Variants in PPP1R12C observed in about 807,000 individuals in gnomAD.
PPP1R12C encodes protein phosphatase 1 regulatory subunit 12C.
PPP1R12C carries 48 observed loss-of-function variants against 95.6 expected under a neutral mutation model. The observed-to-expected ratio is 0.50, with a 90% confidence interval of 0.40 to 0.64. The LOEUF (loss-of-function observed/expected upper bound fraction) is 0.64. Ranked by LOEUF, PPP1R12C falls within the 30% of genes least tolerant of loss-of-function variation. The pLI is 0.00. For synonymous variants in PPP1R12C, 480 were observed against 460.8 expected, an observed-to-expected ratio of 1.04 and a Z score of -0.53; for missense variants, 1,057 against 1,083.3, an observed-to-expected ratio of 0.98 and a Z score of 0.34.
At chr19:55,101,575 GC>G (rs1240274075) in intron 4 of PPP1R12C, among the ~76,000 whole-genome samples, 2 of 152,078 alleles carry the variant, frequency 1.3e-5, no homozygotes, top group African/African-American at 4.8e-5. Flanking sequence ...TTGCTCCTTT[GC>G]CCCCTCTCTC....
intron 1 of PPP1R12C, chr19:55,113,590 G>T (rs755892554): frequency 1.5e-6 from 2 of 1,298,432 alleles, no homozygotes; most frequent in Non-Finnish European, 9.8e-7. Flanking sequence ...GGTGGGCTCC[G>T]GGACCTGAAC....
intron 4 of PPP1R12C, among the ~76,000 whole-genome samples, chr19:55,100,802 C>T (rs904215628): frequency 2.2e-4 from 33 of 151,870 alleles, no homozygotes; most frequent in African/African-American, 7.5e-4. Flanking sequence ...TTAATAGCGA[C>T]GGGGTTTCAC....
chr19:55,095,698 C>A, intron 9 of PPP1R12C, 95 bp from the exon 10 acceptor site: 1 of 1,499,834 alleles, frequency 6.7e-7, no homozygotes. Flanking sequence ...ACTACAATTC[C>A]CATCAGCCCC....
Position 55,094,665 on chromosome 19 carries a change from G to A in PPP1R12C, c.1588C>T (p.Arg530Trp), listed in dbSNP as rs141058127. Residue 530 changes from arginine (R) to tryptophan (W), a missense_variant, in exon 12 of 22, where the codon CGG (arginine) becomes TGG (tryptophan). By Grantham distance (101) the Arg-to-Trp change is moderately radical (BLOSUM62 -3). Coordinates refer to ENST00000263433, the MANE Select transcript of PPP1R12C (RefSeq NM_017607.4). ...TAPPADSRDR[R>W]RSYQMPVRDE... ...TTCCTGCCCTGGCCTCTTCACCTCC[G>A]TCGGTCCCGGGAGTCCGCTGGGGGC... The A allele has an allele frequency of 8.2e-6, 13 of 1,589,672 alleles. No individual in the cohort carries two copies. The highest frequency in any genetic ancestry group is 2.2e-5 in the East Asian group (1 of 44,694).
chr19:55,091,899 C>T lies in PPP1R12C; in HGVS notation c.2171G>A (p.Arg724His), dbSNP rs2084846087. The change falls in exon 20 of 22, where the codon CGC becomes CAC. Residue 724 changes from arginine to histidine, a missense_variant. By Grantham distance (29) the Arg-to-His change is conservative (BLOSUM62 0). Transcript: ENST00000263433. ...CAGGAGGGCTGGCCTCTCAGCGAAG[C>T]GTTCTTGCCTCTGGTGAGGACACAG... ...ELERATQRQERFAERPALLEL... is the reference protein window; with the variant it reads ...ELERATQRQEHFAERPALLEL... 6.2e-6 allele frequency: 10 copies of T among 1,613,166 alleles called. No homozygotes were observed. The highest frequency in any genetic ancestry group is 8.5e-6 in the Non-Finnish European group (10 of 1,179,996).
intron 6 of PPP1R12C, among the ~76,000 whole-genome samples, chr19:55,097,628 C>T (rs1280076604): frequency 2.5e-5 from 3 of 119,976 alleles, no homozygotes; most frequent in Non-Finnish European, 5.3e-5. Flanking sequence ...GCGCAGTTCA[C>T]CACCGTCTTC....
Position 55,096,304 on chromosome 19 carries a change from C to G in PPP1R12C, c.983G>C (p.Arg328Pro). The G allele has an allele frequency of 3.1e-6, 5 of 1,613,712 alleles. No homozygotes were observed. Among genetic ancestry groups the G allele is most frequent in the South Asian group, 1.1e-5 (1 of 91,082 alleles). ...AGAGGGCGCTTGGGGCTCCTGGCCC[C>G]GGCTCTGGGAAGCTTCTTTTTGGTT... ...LRNQKEASQSRGQEPQAPSSS... is the reference protein window; with the variant it reads ...LRNQKEASQSPGQEPQAPSSS... Residue 328 changes from arginine (R) to proline (P), a missense_variant, in exon 7 of 22, where the codon CGG (arginine) becomes CCG (proline). Physicochemically the swap from Arg to Pro is moderately radical, Grantham distance 103 (BLOSUM62 -2). Coordinates refer to ENST00000263433, the MANE Select transcript of PPP1R12C (RefSeq NM_017607.4).
Position 55,098,868 on chromosome 19 carries a change from G to A in PPP1R12C, c.877-10C>T. ...CACAGGGACGCTGCCCCTGGGTCAGGGGAGGAGCAGGATCAGACAATGAAG... is the reference window on the plus strand; with the variant it reads ...CACAGGGACGCTGCCCCTGGGTCAGAGGAGGAGCAGGATCAGACAATGAAG... On this transcript the variant is annotated splice_polypyrimidine_tract_variant and intron_variant, in intron 5 of 21. Transcript: ENST00000263433. 1 of 1,612,966 alleles carries A rather than the reference G, an allele frequency of 6.2e-7. No homozygotes were observed. The highest frequency in any genetic ancestry group is 8.5e-7 in the Non-Finnish European group (1 of 1,179,722).
chr19:55,092,145 G>A (rs1231114741), intron 19 of PPP1R12C, 77 bp downstream of exon 19: 32 of 1,352,408 alleles, frequency 2.4e-5, no homozygotes, highest in Non-Finnish European at 3.0e-5. Context: ...CCCCAGGCCA[G>A]GCTCTACCTC....
rs1012015103 is a variant in PPP1R12C, at chr19:55,117,259, G to C, written c.285C>G (p.Asp95Glu). 159 of 1,227,692 alleles carry C rather than the reference G, an allele frequency of 1.3e-4. No homozygotes were observed. Among genetic ancestry groups the C allele is most frequent in the Non-Finnish European group, 1.5e-4 (151 of 986,628 alleles). The allele number at this position is 1,227,692 out of a possible 1,614,324, so 76.0% of individuals were successfully genotyped here. ...CGCTGATACCGTCGGCGTTGGTGGAGTCCAGCACGGCGCGGGCGGGCGGCG... is the reference window on the plus strand; with the variant it reads ...CGCTGATACCGTCGGCGTTGGTGGACTCCAGCACGGCGCGGGCGGGCGGCG... ...AAPPPARAVLDSTNADGISAL... is the reference protein window; with the variant it reads ...AAPPPARAVLESTNADGISAL... Residue 95 changes from aspartate to glutamate, a missense_variant, in exon 1 of 22, where the codon GAC (aspartate) becomes GAG (glutamate). This residue lies in a region of PPP1R12C where 282 missense variants were observed against 380.4 expected (regional missense o/e 0.74). Transcript: ENST00000263433.
intron 1 of PPP1R12C, chr19:55,113,160 A>G: frequency 2.0e-6 from 1 of 497,496 alleles, no homozygotes. Flanking sequence ...CAGACTAGGG[A>G]AGAGGTTCCA....
chr19:55,098,708 C>T (rs1264089312), intron 6 of PPP1R12C, 76 bp downstream of exon 6: 29 of 1,558,454 alleles, frequency 1.9e-5, no homozygotes, highest in South Asian at 1.2e-4. Flanking sequence ...CGGGGGGGTT[C>T]CCCCTCTGCA....
At position 55,117,593 on chromosome 19, in the gene PPP1R12C, C is replaced by T; in HGVS notation, c.-50G>A. The T allele has an allele frequency of 1.0e-6, 1 of 965,968 alleles. No individual in the cohort carries two copies. The highest frequency in any genetic ancestry group is 4.6e-5 in the South Asian group (1 of 21,578). 59.8% of individuals were successfully genotyped at this position (965,968 alleles called of 1,614,324 possible). A position where few individuals can be genotyped will look rare whatever the true frequency, so the allele number is the denominator to read the frequency against. On this transcript the variant is annotated 5_prime_UTR_variant, in exon 1 of 22. Coordinates refer to ENST00000263433, the MANE Select transcript of PPP1R12C (RefSeq NM_017607.4). ...CGAGCGAGCGCCGAGCCCCAACCGC[C>T]GCCACCACCCGCCCGCCCGCCCGCC...
At chr19:55,096,533 G>GT (rs1196440217) in intron 6 of PPP1R12C, among the ~76,000 whole-genome samples, 198 bp from the exon 7 acceptor site, 4 of 152,048 alleles carry the variant, frequency 2.6e-5, no homozygotes, top group African/African-American at 9.7e-5. Flanking sequence ...CAGCTGCCAC[G>GT]TGCAGGCACT....
chr19:55,094,869 G>T, intron 11 of PPP1R12C, 71 bp from the exon 12 acceptor site: 1 of 1,499,202 alleles, frequency 6.7e-7, no homozygotes. Flanking sequence ...ATGCAGCCGT[G>T]AGTGAAAGAA....
Position 55,117,504 on chromosome 19 carries a change from C to T in PPP1R12C, c.40G>A (p.Ala14Thr), listed in dbSNP as rs1416644228. The T allele has an allele frequency of 2.9e-6, 3 of 1,027,112 alleles. No homozygotes were observed. The highest frequency in any genetic ancestry group is 2.3e-6 in the Non-Finnish European group (2 of 857,506). The allele number at this position is 1,027,112 out of a possible 1,614,324, so 63.6% of individuals were successfully genotyped here. The change falls in exon 1 of 22, where the codon GCG becomes ACG. Residue 14 changes from alanine (A) to threonine (T), a missense_variant. This residue lies in a region of PPP1R12C where 70 missense variants were observed against 47.8 expected (regional missense o/e 1.46). Transcript: ENST00000263433. ...CGCCGCTCCCGGGCAGCCGCCGCCGCCGCCCCCGGGCCAGCCGCCGGGCCA... is the reference window on the plus strand; with the variant it reads ...CGCCGCTCCCGGGCAGCCGCCGCCGTCGCCCCCGGGCCAGCCGCCGGGCCA... ...EDGPAAGPGA[A>T]AAAARERRRE...
intron 3 of PPP1R12C, 157 bp downstream of exon 3, chr19:55,112,310 C>T (rs1306814751): frequency 6.0e-6 from 4 of 661,986 alleles, no homozygotes; most frequent in African/African-American, 3.6e-5. Flanking sequence ...CAGGCCCCTA[C>T]ACCCCCATTT....
In PPP1R12C at chr19:55,092,609, A is replaced by AC; in HGVS notation, c.1952+12dup. ...CCCGCACGCAGACCCCACCTCTCCC[A>AC]CCCCGCCCCTACCTGGACTCCTGGC... On this transcript the variant is annotated intron_variant, in intron 17 of 21. Coordinates refer to ENST00000263433, the MANE Select transcript of PPP1R12C (RefSeq NM_017607.4). 1 of 1,498,982 alleles carries AC rather than the reference A, an allele frequency of 6.7e-7. No individual in the cohort carries two copies. Among genetic ancestry groups the AC allele is most frequent in the Non-Finnish European group, 8.9e-7 (1 of 1,122,310 alleles). 92.9% of individuals were successfully genotyped at this position (1,498,982 alleles called of 1,614,324 possible).
intron 3 of PPP1R12C, among the ~76,000 whole-genome samples, chr19:55,104,768 T>C (rs985887600): frequency 6.6e-6 from 1 of 151,270 alleles, no homozygotes; most frequent in Non-Finnish European, 1.5e-5. Flanking sequence ...ATTTGCTCAG[T>C]AAACTTTAGG....
Sources: gnomAD v4.1 joint callset for allele counts (sites outside exome capture counted in the v4.1 genomes callset) on GRCh38, gnomAD v4.1.1 for gene constraint, gnomAD v4.1.1 regional missense constraint, MANE v1.5 for transcripts, NCBI Gene and HGNC (gene_info 2026-07-23, HGNC 2026-07-21) for gene names.